The following D2HGDH variants were observed in gnomAD, a reference collection of about 807,000 sequenced individuals.
D2HGDH encodes D-2-hydroxyglutarate dehydrogenase.
In D2HGDH, 31 loss-of-function variants were observed where a neutral mutation model predicts 46.9. That is an observed-to-expected ratio of 0.66 (90% CI 0.50 to 0.89). The LOEUF is 0.89. Ranked by LOEUF, D2HGDH falls within the 40% of genes least tolerant of loss-of-function variation. The pLI is 0.00. For missense variants in D2HGDH, 698 were observed against 720.8 expected (o/e 0.97, Z 0.36); for synonymous variants, 364 against 332.6 (o/e 1.09, Z -1.03).
In D2HGDH at chr2:241,768,217, C is replaced by T. The variant is rs1030086026; in HGVS notation, c.*248C>T. On this transcript the variant is annotated 3_prime_UTR_variant, in exon 10 of 10. Transcript: ENST00000321264. ...GTGGGGCCTCTGCAGCCATCCTGGA[C>T]AGGCCGGGGTGGCGGCAGCTTTGCC... 4 of 620,318 alleles carry T rather than the reference C, an allele frequency of 6.4e-6. No homozygotes were observed. The highest frequency in any genetic ancestry group is 2.9e-5 in the East Asian group (1 of 34,368). The allele number at this position is 620,318 out of a possible 1,614,324, so 38.4% of individuals were successfully genotyped here.
In D2HGDH at chr2:241,768,246, G is replaced by A. The variant is rs553175218; in HGVS notation, c.*277G>A. 17 of 505,644 alleles carry A rather than the reference G, an allele frequency of 3.4e-5. No individual in the cohort carries two copies. Among genetic ancestry groups the A allele is most frequent in the African/African-American group, 9.8e-5 (5 of 51,278 alleles). The allele number at this position is 505,644 out of a possible 1,614,324, so 31.3% of individuals were successfully genotyped here. On this transcript the variant is annotated 3_prime_UTR_variant, in exon 10 of 10. Transcript: ENST00000321264. ...CCGGGGTGGCGGCAGCTTTGCCCAC[G>A]TGGAAGCGGGGTGGGTCTCACTTGC...
At chr2:241,756,546 A>G (rs1337975238) in intron 9 of D2HGDH, among the ~76,000 whole-genome samples, 2 of 152,260 alleles carry the variant, frequency 1.3e-5, no homozygotes, top group East Asian at 3.9e-4. Context: ...TTTGAGACGC[A>G]GTTTCACTCT....
chr2:241,751,461 C>A lies in D2HGDH; in HGVS notation c.1140+73C>A, dbSNP rs572813814. 787 of 1,589,408 alleles carry A rather than the reference C, an allele frequency of 5.0e-4. 2 individuals are homozygous for A. In the African/African-American group the frequency reaches 9.2e-3, roughly 19 times the overall value. ...CAGCCTTGTCTTGGGATGCCTGGAA[C>A]GGTCATTGGTGCAGCCTAGACAGTG... On this transcript the variant is annotated intron_variant, in intron 8 of 9. Coordinates refer to ENST00000321264, the MANE Select transcript of D2HGDH (RefSeq NM_152783.5).
chr2:241,741,498 G>A (rs543660918), intron 3 of D2HGDH, among the ~76,000 whole-genome samples: 322 of 149,272 alleles, frequency 2.2e-3, no homozygotes, highest in Non-Finnish European at 3.7e-3. Flanking sequence ...CATGTGTGGG[G>A]CTTGCTGTCT....
At position 241,735,492 on chromosome 2, in the gene D2HGDH, G is replaced by C. The variant is rs755921858; in HGVS notation, c.268G>C (p.Val90Leu). Residue 90 changes from valine to leucine, a missense_variant, in exon 2 of 10, where the codon GTG (valine) becomes CTG (leucine). By Grantham distance (32) the Val-to-Leu change is conservative. Coordinates refer to ENST00000321264, the MANE Select transcript of D2HGDH (RefSeq NM_152783.5). ...CCCGGAAGCGCTGCAGGCTCCCAACGTGGACTGGTTGCGGACGCTGCGAGG... is the reference window on the plus strand; with the variant it reads ...CCCGGAAGCGCTGCAGGCTCCCAACCTGGACTGGTTGCGGACGCTGCGAGG... The part of the protein sequence containing the change: ...TDPEALQAPN[V>L]DWLRTLRGCS... 1 of 1,607,996 alleles carries C rather than the reference G, an allele frequency of 6.2e-7. No homozygotes were observed. Among genetic ancestry groups the C allele is most frequent in the Admixed American group, 1.7e-5 (1 of 59,984 alleles).
At chr2:241,752,231 T>C (rs2125144644) in intron 8 of D2HGDH, among the ~76,000 whole-genome samples, 1 of 152,290 alleles carries the variant, frequency 6.6e-6, no homozygotes, top group Admixed American at 6.5e-5. Context: ...CCAGTGCTTC[T>C]GGGCAAAACG....
Position 241,742,391 on chromosome 2 carries a change from G to C in D2HGDH, c.351-44G>C. ...GCGTGTCCTTGGGGATGGTGGCGTA[G>C]GGGTGGGGACAGAGCCCCAACGTCC... is the stretch of plus-strand genomic sequence containing the variant. On this transcript the variant is annotated intron_variant, in intron 3 of 9. Coordinates refer to ENST00000321264, the MANE Select transcript of D2HGDH (RefSeq NM_152783.5). The surrounding 1 kb of genome is among the most constrained non-coding windows in gnomAD (Gnocchi z 4.8). The C allele has an allele frequency of 6.4e-7, 1 of 1,565,192 alleles. No individual in the cohort carries two copies. Among genetic ancestry groups the C allele is most frequent in the Non-Finnish European group, 8.7e-7 (1 of 1,152,174 alleles).
In D2HGDH at chr2:241,768,367, T is replaced by G; in HGVS notation, c.*398T>G. 9.9e-6 allele frequency: 2 copies of G among 202,744 alleles called. No homozygotes were observed. The highest frequency in any genetic ancestry group is 1.2e-4 in the East Asian group (1 of 8,224). The allele number at this position is 202,744 out of a possible 1,614,324, so 12.6% of individuals were successfully genotyped here. On this transcript the variant is annotated 3_prime_UTR_variant, in exon 10 of 10. Transcript: ENST00000321264. ...TTGCTGCTCGTTCCCCGGGCATGCG[T>G]GGGCAGCGGGGGGCATGCGTGGGCA...
Position 241,744,692 on chromosome 2 carries a change from C to T in D2HGDH, c.685-17C>T. 6.2e-7 allele frequency: 1 copy of T among 1,614,210 alleles called. No individual in the cohort carries two copies. The highest frequency in any genetic ancestry group is 8.5e-7 in the Non-Finnish European group (1 of 1,180,038). On this transcript the variant is annotated splice_polypyrimidine_tract_variant and intron_variant, in intron 5 of 9. Coordinates refer to ENST00000321264, the MANE Select transcript of D2HGDH (RefSeq NM_152783.5). ...GGAGGCTGGCAGGTGGGTGAACGTG[C>T]TTCTCTTTGCCCCAAGGTGCTGGCC...
Position 241,768,168 on chromosome 2 carries a change from AGG to A in D2HGDH, c.*200_*201del. The A allele has an allele frequency of 1.2e-6, 1 of 836,956 alleles. No individual in the cohort carries two copies. The highest frequency in any genetic ancestry group is 1.8e-6 in the Non-Finnish European group (1 of 555,702). 51.8% of individuals were successfully genotyped at this position (836,956 alleles called of 1,614,324 possible). Reference sequence around the variant, plus strand: ...CATCTGGCAGAGTGGGGGGCGTGGCAGGCACCCTCCTTTGCAGGGCGAGGTGG... The same window carrying A: ...CATCTGGCAGAGTGGGGGGCGTGGCACACCCTCCTTTGCAGGGCGAGGTGG... On this transcript the variant is annotated 3_prime_UTR_variant, in exon 10 of 10. Transcript: ENST00000321264.
At chr2:241,753,236 C>T (rs1040374039) in intron 8 of D2HGDH, among the ~76,000 whole-genome samples, 8 of 152,166 alleles carry the variant, frequency 5.3e-5, no homozygotes, top group Admixed American at 2.6e-4. Context: ...CTTAGGTGTG[C>T]GGCTCGATGA....
rs551151066 is a variant in D2HGDH, at chr2:241,750,362, G to A, written c.997+68G>A. 287 of 1,546,574 alleles carry A rather than the reference G, an allele frequency of 1.9e-4. 2 individuals carry two copies. The African/African-American group carries it at 3.0e-3, about 16-fold the overall frequency. On this transcript the variant is annotated intron_variant, in intron 7 of 9. Transcript: ENST00000321264. ...TTCTGCACGTCTGGACACATGGGACGGCTCAGAGACCCCGGGTGGGCGGGG... is the reference window on the plus strand; with the variant it reads ...TTCTGCACGTCTGGACACATGGGACAGCTCAGAGACCCCGGGTGGGCGGGG...
Position 241,735,470 on chromosome 2 carries a change from G to A in D2HGDH, c.246G>A (p.Pro82=). 1 of 1,609,182 alleles carries A rather than the reference G, an allele frequency of 6.2e-7. No individual in the cohort carries two copies. The highest frequency in any genetic ancestry group is 8.5e-7 in the Non-Finnish European group (1 of 1,179,752). Residue 82 remains proline, a synonymous_variant, in exon 2 of 10, where the codon CCG becomes CCA. Transcript: ENST00000321264. ...TGCCCGGCGGGGTCGTCACGGACCCGGAAGCGCTGCAGGCTCCCAACGTGG... is the reference window on the plus strand; with the variant it reads ...TGCCCGGCGGGGTCGTCACGGACCCAGAAGCGCTGCAGGCTCCCAACGTGG... ...RIVPGGVVTD[P]EALQAPNVDW...
chr2:241,750,375 C>CGG, intron 7 of D2HGDH, 81 bp downstream of exon 7: 11 of 295,742 alleles, frequency 3.7e-5, no homozygotes, highest in Non-Finnish European at 5.9e-5. Context: ...TCAGAGACCC[C>CGG]GGGTGGGCGG....
chr2:241,756,122 G>A, intron 9 of D2HGDH, 108 bp downstream of exon 9: 1 of 1,428,806 alleles, frequency 7.0e-7, no homozygotes, highest in Non-Finnish European at 9.2e-7. Context: ...ATGGTCTCTG[G>A]CTTAGCATAT....
At chr2:241,760,820 T>TG (rs1334409077) in intron 9 of D2HGDH, among the ~76,000 whole-genome samples, 3 of 152,278 alleles carry the variant, frequency 2.0e-5, no homozygotes, top group Admixed American at 1.3e-4. Flanking sequence ...TCCAGCCTGC[T>TG]GACCTGGACT....
intron 9 of D2HGDH, among the ~76,000 whole-genome samples, chr2:241,762,933 G>T (rs1698959192): frequency 6.6e-6 from 1 of 152,168 alleles, no homozygotes; most frequent in African/African-American, 2.4e-5. Flanking sequence ...GTGGTGGTTT[G>T]TCTTCTTGTG....
At chr2:241,758,044 C>T (rs1226596318) in intron 9 of D2HGDH, among the ~76,000 whole-genome samples, 1 of 152,006 alleles carries the variant, frequency 6.6e-6, no homozygotes, top group African/African-American at 2.4e-5. Flanking sequence ...TGCTTGTCTG[C>T]CTGTAATCAG....
chr2:241,765,221 C>T (rs577624592), intron 9 of D2HGDH, among the ~76,000 whole-genome samples: 2 of 152,350 alleles, frequency 1.3e-5, no homozygotes, highest in African/African-American at 2.4e-5. Flanking sequence ...GAGGCAGTGG[C>T]AGGCCATGCG....
Sources: allele counts gnomAD v4.1 joint callset (sites outside exome capture counted in the v4.1 genomes callset), GRCh38; gene constraint gnomAD v4.1.1; non-coding constraint Gnocchi (gnomAD v3.1); transcripts MANE v1.5; gene names NCBI Gene and HGNC (gene_info 2026-07-23, HGNC 2026-07-21).